Variants in MPPE1 observed in about 807,000 individuals in gnomAD.
MPPE1 encodes metallo phosphoesterase.
In MPPE1, 28 loss-of-function variants were observed where a neutral mutation model predicts 43.8. That is an observed-to-expected ratio of 0.64 (90% CI 0.47 to 0.88). MPPE1 has a LOEUF of 0.88. Ranked by LOEUF, MPPE1 falls within the 40% of genes least tolerant of loss-of-function variation. MPPE1 has a pLI of 0.00. For missense variants in MPPE1, 428 were observed against 492.2 expected (o/e 0.87, Z 1.23); for synonymous variants, 159 against 188.5 (o/e 0.84, Z 1.28).
At chr18:11,889,278 A>G in intron 5 of MPPE1, 109 bp downstream of exon 5, 2 of 690,820 alleles carry the variant, frequency 2.9e-6, no homozygotes, top group Non-Finnish European at 4.8e-6. Flanking sequence ...TCTTTTGAAG[A>G]AAACAAATTT....
chr18:11,893,035 CA>C (rs1447637959), intron 4 of MPPE1: 1 of 156,378 alleles, frequency 6.4e-6, no homozygotes, highest in East Asian at 1.9e-4. Flanking sequence ...AGGAGAATAG[CA>C]AGTCTCTTTT....
chr18:11,886,988 C>CGG lies in MPPE1; in HGVS notation c.606_607insCC (p.Gly203ProfsTer20), dbSNP rs561966131. 2,490 of 1,613,924 alleles carry CGG rather than the reference C, an allele frequency of 1.5e-3. 1 individual carries two copies. The highest frequency in any genetic ancestry group is 2.0e-3 in the Non-Finnish European group (2,301 of 1,179,834). ...TCTGTTTCAGAGCAGATGCCACAGC[C>CGG]ATCCCCGTTCAGCGCCACGCTGTTG... On this transcript the variant is annotated frameshift_variant, in exon 7 of 11. Coordinates refer to ENST00000588072, the MANE Select transcript of MPPE1 (RefSeq NM_023075.6). LOFTEE classifies it high-confidence loss of function. This position sits in a 1 kb window ranked among gnomAD's most constrained non-coding sequence, Gnocchi z 4.1.
At chr18:11,905,962 A>G (rs537537076) in intron 2 of MPPE1, 1 of 152,290 alleles carries the variant, frequency 6.6e-6, no homozygotes, top group East Asian at 1.9e-4. Flanking sequence ...TTCTGTGAGG[A>G]TAGAAAAAAA....
At chr18:11,888,585 A>G in intron 6 of MPPE1, 84 bp downstream of exon 6, 1 of 792,610 alleles carries the variant, frequency 1.3e-6, no homozygotes, top group East Asian at 2.7e-5. Context: ...CAGGTAGATG[A>G]TAGATCCCAG....
rs1038739905 is a variant in MPPE1 at position 11,886,058 on chromosome 18, T to C, written c.868-242A>G. On this transcript the variant is annotated intron_variant, in intron 9 of 10. Transcript: ENST00000588072. The surrounding 1 kb of genome is among the most constrained non-coding windows in gnomAD (Gnocchi z 4.1). ...TATATACTTTTTACGGTATTTTATC[T>C]TTATAAATATTTTATACATTTATCT... 1 of 254,236 alleles carries C rather than the reference T, an allele frequency of 3.9e-6. No homozygotes were observed. The highest frequency in any genetic ancestry group is 2.2e-5 in the African/African-American group (1 of 44,610). 15.7% of individuals were successfully genotyped at this position (254,236 alleles called of 1,614,324 possible).
chr18:11,903,516 A>G (rs916195465), intron 2 of MPPE1, among the ~76,000 whole-genome samples: 4 of 152,182 alleles, frequency 2.6e-5, no homozygotes, highest in Non-Finnish European at 5.9e-5. Context: ...ACGGTTAAAC[A>G]CTGCACTTGG....
chr18:11,886,443 C>G lies in MPPE1; in HGVS notation c.867+56G>C, dbSNP rs2037260507. ...CCTGGGCACTCTGCTTGTTGACATG[C>G]AAGGTGATGAGAGTCACACTGTGAC... On this transcript the variant is annotated intron_variant, in intron 9 of 10. Coordinates refer to ENST00000588072, the MANE Select transcript of MPPE1 (RefSeq NM_023075.6). The surrounding 1 kb of genome is among the most constrained non-coding windows in gnomAD (Gnocchi z 4.1). 2 of 1,613,052 alleles carry G rather than the reference C, an allele frequency of 1.2e-6. No homozygotes were observed. Among genetic ancestry groups the G allele is most frequent in the African/African-American group, 1.3e-5 (1 of 74,882 alleles).
Position 11,883,410 on chromosome 18 carries a change from TGTTTAAGA to T in MPPE1, c.*1027_*1034del, listed in dbSNP as rs1408247491. 9 of 153,306 alleles carry T rather than the reference TGTTTAAGA, an allele frequency of 5.9e-5. No homozygotes were observed. The highest frequency in any genetic ancestry group is 2.2e-4 in the African/African-American group (9 of 41,416). 9.5% of individuals were successfully genotyped at this position (153,306 alleles called of 1,614,324 possible). A position where few individuals can be genotyped will look rare whatever the true frequency, so the allele number is the denominator to read the frequency against. ...ACAATTACCCTCTAACTAAACATCC[TGTTTAAGA>T]GTTTAATTCAAACAACAGCCAGACT... On this transcript the variant is annotated 3_prime_UTR_variant, in exon 11 of 11. Coordinates refer to ENST00000588072, the MANE Select transcript of MPPE1 (RefSeq NM_023075.6).
intron 2 of MPPE1, among the ~76,000 whole-genome samples, chr18:11,900,397 G>T (rs190462235): frequency 1.5e-3 from 221 of 151,832 alleles, no homozygotes; most frequent in Non-Finnish European, 2.4e-3. Flanking sequence ...TCCCATCTAC[G>T]CGGGAGGCTG....
At chr18:11,893,392 C>A (rs673735) in intron 4 of MPPE1, 76 bp downstream of exon 4, 4 of 1,014,808 alleles carry the variant, frequency 3.9e-6, no homozygotes, top group Non-Finnish European at 6.1e-6. Flanking sequence ...CAAGCTGACA[C>A]TGATTCGTGG....
At chr18:11,885,974 T>C (rs767572740) in intron 9 of MPPE1, 158 bp from the exon 10 acceptor site, 51 of 692,718 alleles carry the variant, frequency 7.4e-5, no homozygotes, top group East Asian at 1.6e-4. Context: ...TTAAAAATCC[T>C]TTGGTTTATT....
At chr18:11,895,017 TC>T (rs772347253) in intron 3 of MPPE1, among the ~76,000 whole-genome samples, 1 of 152,224 alleles carries the variant, frequency 6.6e-6, no homozygotes, top group African/African-American at 2.4e-5. Context: ...TGCTCAGCCC[TC>T]CCCGTCTTCA....
intron 2 of MPPE1, among the ~76,000 whole-genome samples, chr18:11,899,081 TTTTTTGTA>T (rs985672187): frequency 2.6e-5 from 4 of 151,470 alleles, no homozygotes; most frequent in African/African-American, 9.7e-5. Flanking sequence ...CTAATTTTGT[TTTTTTGTA>T]TTTTTAGTAG....
chr18:11,894,765 T>C (rs1348670740), intron 3 of MPPE1, among the ~76,000 whole-genome samples: 1 of 151,898 alleles, frequency 6.6e-6, no homozygotes, highest in African/African-American at 2.4e-5. Context: ...TAATTTTGTA[T>C]ATTTAGTAGA....
At chr18:11,899,014 T>C (rs547154163) in intron 2 of MPPE1, among the ~76,000 whole-genome samples, 1 of 152,162 alleles carries the variant, frequency 6.6e-6, no homozygotes, top group South Asian at 2.1e-4. Flanking sequence ...TTCAAGTGAT[T>C]CTCATGCCTC....
At chr18:11,890,179 T>C (rs111810944) in intron 4 of MPPE1, among the ~76,000 whole-genome samples, 3 of 151,988 alleles carry the variant, frequency 2.0e-5, no homozygotes, top group Non-Finnish European at 4.4e-5. Flanking sequence ...CCTGACCTCA[T>C]GATCCGCCCG....
intron 2 of MPPE1, among the ~76,000 whole-genome samples, chr18:11,899,404 G>A (rs965966207): frequency 6.6e-6 from 1 of 152,228 alleles, no homozygotes; most frequent in African/African-American, 2.4e-5. Context: ...TTAAAACTCT[G>A]GATGGCCTTC....
intron 2 of MPPE1, chr18:11,905,458 C>G (rs1454763327): frequency 1.3e-5 from 2 of 152,168 alleles, no homozygotes; most frequent in African/African-American, 4.8e-5. Flanking sequence ...TCTTTTCCTA[C>G]CTGAAATGAA....
At chr18:11,884,973 C>T in intron 10 of MPPE1, 1 of 1,303,024 alleles carries the variant, frequency 7.7e-7, no homozygotes, top group African/African-American at 1.5e-5. Context: ...GTTCCAGGGT[C>T]ATCGGTCAGC....
Sources: gnomAD v4.1 joint callset for allele counts (sites outside exome capture counted in the v4.1 genomes callset) on GRCh38, gnomAD v4.1.1 for gene constraint, Gnocchi (gnomAD v3.1) non-coding constraint, MANE v1.5 for transcripts, NCBI Gene and HGNC (gene_info 2026-07-23, HGNC 2026-07-21) for gene names.